Variants in SGCZ observed in about 807,000 individuals in gnomAD.
The protein encoded by SGCZ is zeta-sarcoglycan.
A neutral mutation model predicts 41.3 loss-of-function variants in SGCZ; 40 were observed. That is an observed-to-expected ratio of 0.97 (90% CI 0.75 to 1.26). The LOEUF (loss-of-function observed/expected upper bound fraction) is 1.26. SGCZ is among the 50% of genes most tolerant of loss of function. The pLI, the probability that SGCZ is intolerant of heterozygous loss-of-function variation, is 0.00. For synonymous variants in SGCZ, 206 were observed against 137.5 expected (o/e 1.50, Z -3.49); for missense variants, 552 against 369.8 (o/e 1.49, Z -4.04).
chr8:14,207,724 C>T (rs1401049939), intron 4 of SGCZ, among the ~76,000 whole-genome samples: 1 of 152,108 alleles, frequency 6.6e-6, no homozygotes, highest in African/African-American at 2.4e-5. Context: ...TGTTTGAACA[C>T]CTCAAGAAGG....
At chr8:14,694,618 G>C (rs762102992) in intron 1 of SGCZ, among the ~76,000 whole-genome samples, 1 of 152,122 alleles carries the variant, frequency 6.6e-6, no homozygotes, top group Non-Finnish European at 1.5e-5. Flanking sequence ...AAAAAGGACT[G>C]TGCCTTTCTC....
intron 2 of SGCZ, among the ~76,000 whole-genome samples, chr8:14,486,225 C>T (rs1038375235): frequency 6.6e-6 from 1 of 152,146 alleles, no homozygotes; most frequent in Non-Finnish European, 1.5e-5. Flanking sequence ...CACTTCCTCT[C>T]CCCCTTGAAA....
intron 1 of SGCZ, among the ~76,000 whole-genome samples, chr8:14,940,572 C>T (rs1169975838): frequency 1.3e-5 from 2 of 151,908 alleles, no homozygotes; most frequent in African/African-American, 4.8e-5. Flanking sequence ...TAAAGATTGG[C>T]TAAAGATTTA....
chr8:15,021,180 A>C (rs1250429127), intron 1 of SGCZ, among the ~76,000 whole-genome samples: 1 of 152,250 alleles, frequency 6.6e-6, no homozygotes, highest in African/African-American at 2.4e-5. Flanking sequence ...TGCACCTGCA[A>C]ATCTAATAGA....
chr8:14,271,434 T>C (rs1800055208), intron 3 of SGCZ, among the ~76,000 whole-genome samples: 1 of 152,196 alleles, frequency 6.6e-6, no homozygotes, highest in Admixed American at 6.5e-5. Context: ...GATAGTTTCA[T>C]ACCCAGCAAT....
intron 1 of SGCZ, among the ~76,000 whole-genome samples, chr8:15,215,293 T>C (rs962853904): frequency 2.0e-5 from 3 of 152,126 alleles, no homozygotes; most frequent in South Asian, 2.1e-4. Context: ...TCTAGTAGGG[T>C]GCCTCTAAAA....
chr8:15,027,920 T>A (rs1030299117), intron 1 of SGCZ, among the ~76,000 whole-genome samples: 15 of 152,108 alleles, frequency 9.9e-5, no homozygotes, highest in African/African-American at 3.4e-4. Context: ...TTATTCCTCA[T>A]TAAAAAACCT....
intron 1 of SGCZ, among the ~76,000 whole-genome samples, chr8:15,010,629 C>CTT (rs1019113430): frequency 5.3e-5 from 8 of 152,142 alleles, no homozygotes; most frequent in Non-Finnish European, 7.3e-5. Flanking sequence ...AATGAAAGTT[C>CTT]TTTTAACAGC....
chr8:14,362,554 C>T (rs113720380), intron 2 of SGCZ, among the ~76,000 whole-genome samples: 3,122 of 152,230 alleles, frequency 0.021, 88 homozygotes, highest in African/African-American at 0.058. Context: ...GTGGGAAAAG[C>T]GCAGTATGTA....
chr8:14,198,950 C>T (rs201381704), intron 4 of SGCZ, among the ~76,000 whole-genome samples: 3 of 152,172 alleles, frequency 2.0e-5, no homozygotes, highest in East Asian at 3.9e-4. Context: ...GGATGTATGT[C>T]GCCTCAGGAC....
At chr8:14,376,865 A>C (rs1196661409) in intron 2 of SGCZ, among the ~76,000 whole-genome samples, 1 of 152,222 alleles carries the variant, frequency 6.6e-6, no homozygotes, top group African/African-American at 2.4e-5. Context: ...ATGCAATGCC[A>C]GTTAAATATT....
intron 2 of SGCZ, among the ~76,000 whole-genome samples, chr8:14,489,709 C>G (rs934425222): frequency 6.7e-6 from 1 of 150,156 alleles, no homozygotes; most frequent in African/African-American, 2.5e-5. Flanking sequence ...ATAAATCTTA[C>G]ACAATTTAGC....
chr8:14,825,306 C>G (rs886189872), intron 1 of SGCZ, among the ~76,000 whole-genome samples: 5 of 152,262 alleles, frequency 3.3e-5, no homozygotes, highest in Middle Eastern at 3.4e-3. Flanking sequence ...TCACTTATCT[C>G]TCACTATTCT....
At chr8:14,101,169 A>AAATT (rs1376455149) in intron 7 of SGCZ, among the ~76,000 whole-genome samples, 3 of 152,168 alleles carry the variant, frequency 2.0e-5, no homozygotes, top group Non-Finnish European at 4.4e-5. Context: ...ATAATCACTA[A>AAATT]AATTAAAAGC....
intron 3 of SGCZ, among the ~76,000 whole-genome samples, chr8:14,259,072 G>A (rs1325945336): frequency 6.6e-6 from 1 of 151,996 alleles, no homozygotes; most frequent in Non-Finnish European, 1.5e-5. Context: ...AGTTTTTTAT[G>A]TTATGAAAAA....
At chr8:14,521,743 G>A (rs555298023) in intron 2 of SGCZ, among the ~76,000 whole-genome samples, 1 of 152,036 alleles carries the variant, frequency 6.6e-6, no homozygotes, top group African/African-American at 2.4e-5. Flanking sequence ...ATTTAGAACG[G>A]CTGTTCCATT....
In SGCZ at chr8:14,537,735, C is replaced by T. The variant is rs538949054; in HGVS notation, c.234+16997G>A. On this transcript the variant is annotated intron_variant, in intron 2 of 7. Coordinates refer to ENST00000382080, the MANE Select transcript of SGCZ (RefSeq NM_139167.4). Reference sequence around the variant, plus strand: ...CTCAACTGTGTCATTGAATGTTCCCCCCTCATGTAAGGTTTGTACAGGGAA... The same window carrying T: ...CTCAACTGTGTCATTGAATGTTCCCTCCTCATGTAAGGTTTGTACAGGGAA... Among the ~76,000 whole-genome samples, 5 of 151,894 alleles carry T rather than the reference C, an allele frequency of 3.3e-5. No individual in the cohort carries two copies. In the East Asian group the frequency reaches 5.9e-4, roughly 18 times the overall value.
At chr8:14,292,480 G>T (rs1467730203) in intron 3 of SGCZ, among the ~76,000 whole-genome samples, 1 of 151,964 alleles carries the variant, frequency 6.6e-6, no homozygotes, top group African/African-American at 2.4e-5. Context: ...GTAAACTAGA[G>T]ATCAACAAAG....
intron 7 of SGCZ, 76 bp downstream of exon 7, chr8:14,102,300 T>TATAAATAGGACATCTAAA (rs1334163278): frequency 7.7e-7 from 1 of 1,294,588 alleles, no homozygotes; most frequent in Non-Finnish European, 1.0e-6. Flanking sequence ...ACAAGTCAAT[T>TATAAATAGGACATCTAAA]ATAAATAGGA....
Sources: allele counts gnomAD v4.1 joint callset (sites outside exome capture counted in the v4.1 genomes callset), GRCh38; gene constraint gnomAD v4.1.1; transcripts MANE v1.5; gene names NCBI Gene and HGNC (gene_info 2026-07-23, HGNC 2026-07-21).